HIPK2: variants seen among roughly 807,000 people sequenced by gnomAD.
HIPK2 encodes the protein homeodomain-interacting protein kinase 2.
Under a neutral mutation model 113.7 loss-of-function variants are expected in HIPK2, and 27 were observed. The ratio of observed to expected loss-of-function variants is 0.24; its 90% CI spans 0.17 to 0.33. HIPK2 has a LOEUF of 0.33. Ranked by LOEUF, HIPK2 falls within the 10% of genes least tolerant of loss-of-function variation. HIPK2 has a pLI of 1.00. For missense variants in HIPK2, 1,257 were observed against 1,588.0 expected, an observed-to-expected ratio of 0.79 and a Z score of 3.54; for synonymous variants, 631 against 642.2, an observed-to-expected ratio of 0.98 and a Z score of 0.26.
Position 139,631,421 on chromosome 7 carries a change from GAA to G in HIPK2, c.1228-139_1228-138del, listed in dbSNP as rs1264067650. The G allele has an allele frequency of 2.8e-6, 4 of 1,430,304 alleles. No homozygotes were observed. In the Admixed American group the frequency reaches 8.4e-5, roughly 30 times the overall value. The allele number at this position is 1,430,304 out of a possible 1,614,324, so 88.6% of individuals were successfully genotyped here. ...AGAAGTTAACAAAAAAGAGAAAAAA[GAA>G]AAAGGGAAAAGAGAAAGGAATAAAG... On this transcript the variant is annotated intron_variant, in intron 3 of 14. Transcript: ENST00000406875. The surrounding 1 kb of genome is among the most constrained non-coding windows in gnomAD (Gnocchi z 4.9).
chr7:139,694,682 A>G (rs906518824), intron 2 of HIPK2, among the ~76,000 whole-genome samples: 1 of 152,162 alleles, frequency 6.6e-6, no homozygotes, highest in Non-Finnish European at 1.5e-5. Flanking sequence ...TGGGGCACTC[A>G]GCTATGATAA....
intron 1 of HIPK2, among the ~76,000 whole-genome samples, chr7:139,738,102 T>A (rs139379999): frequency 9.2e-5 from 14 of 152,330 alleles, no homozygotes; most frequent in Middle Eastern, 3.4e-3. Context: ...TTATACATGT[T>A]CCCTGAGTAC....
At position 139,631,441 on chromosome 7, in the gene HIPK2, G is replaced by A; in HGVS notation, c.1228-157C>T. 1 of 937,694 alleles carries A rather than the reference G, an allele frequency of 1.1e-6. No individual in the cohort carries two copies. The highest frequency in any genetic ancestry group is 1.3e-6 in the Non-Finnish European group (1 of 786,714). The allele number at this position is 937,694 out of a possible 1,614,324, so 58.1% of individuals were successfully genotyped here. A position where few individuals can be genotyped will look rare whatever the true frequency, so the allele number is the denominator to read the frequency against. On this transcript the variant is annotated intron_variant, in intron 3 of 14. Transcript: ENST00000406875. The surrounding 1 kb of genome is among the most constrained non-coding windows in gnomAD (Gnocchi z 4.9). ...AAAAAGAAAAAGGGAAAAGAGAAAGGAATAAAGAAAAAATAGCAAGGTTAA... is the reference window on the plus strand; with the variant it reads ...AAAAAGAAAAAGGGAAAAGAGAAAGAAATAAAGAAAAAATAGCAAGGTTAA...
chr7:139,594,252 T>C (rs952015261), intron 12 of HIPK2, among the ~76,000 whole-genome samples: 1 of 152,208 alleles, frequency 6.6e-6, no homozygotes, highest in African/African-American at 2.4e-5. Flanking sequence ...GGACTGACAC[T>C]GTGTTTTGTG....
intron 2 of HIPK2, among the ~76,000 whole-genome samples, chr7:139,647,235 C>T (rs1390581238): frequency 6.6e-6 from 1 of 151,960 alleles, no homozygotes; most frequent in Non-Finnish European, 1.5e-5. Context: ...ACCCAGCGTA[C>T]AGCCTTGTCT....
At chr7:139,662,536 GCCATATA>G (rs1569467767) in intron 2 of HIPK2, among the ~76,000 whole-genome samples, 6 of 152,002 alleles carry the variant, frequency 3.9e-5, no homozygotes, top group Non-Finnish European at 8.8e-5. Flanking sequence ...TACCACTCGG[GCCATATA>G]CCAGGGGTGT....
intron 12 of HIPK2, among the ~76,000 whole-genome samples, chr7:139,593,037 C>T (rs1799079214): frequency 6.6e-6 from 1 of 152,212 alleles, no homozygotes; most frequent in Admixed American, 6.5e-5. Context: ...CTCTAGACTC[C>T]CTATGGCCCT....
At chr7:139,777,387 G>A (rs1280646960) in intron 1 of HIPK2, 1 of 162,112 alleles carries the variant, frequency 6.2e-6, no homozygotes, top group Non-Finnish European at 1.3e-5. Flanking sequence ...CTCCCCTCCT[G>A]CGCCCCCGGC....
At position 139,614,490 on chromosome 7, in the gene HIPK2, G is replaced by T; in HGVS notation, c.1786C>A (p.Pro596Thr). 7.2e-7 allele frequency: 1 copy of T among 1,380,398 alleles called. No homozygotes were observed. The highest frequency in any genetic ancestry group is 1.9e-5 in the South Asian group (1 of 51,546). The allele number at this position is 1,380,398 out of a possible 1,614,324, so 85.5% of individuals were successfully genotyped here. A position where few individuals can be genotyped will look rare whatever the true frequency, so the allele number is the denominator to read the frequency against. ...GAAATAGTGGCACTGGTAGAGGAGG[G>T]AGCCTAAAGGAGTGATGGGGATTAA... ...NQLTTVHNQAPSSTSATISLA... is the reference protein window; with the variant it reads ...NQLTTVHNQATSSTSATISLA... The change falls in exon 8 of 15, where the codon CCC becomes ACC. Residue 596 changes from proline (P) to threonine (T), a missense_variant. Physicochemically the swap from Pro to Thr is conservative, Grantham distance 38. Coordinates refer to ENST00000406875, the MANE Select transcript of HIPK2 (RefSeq NM_022740.5).
chr7:139,723,740 C>T (rs373707125), intron 1 of HIPK2, among the ~76,000 whole-genome samples: 7 of 152,266 alleles, frequency 4.6e-5, no homozygotes, highest in African/African-American at 1.7e-4. Flanking sequence ...AAATTGAATT[C>T]AATTTCACTG....
Position 139,596,814 on chromosome 7 carries a change from T to G in HIPK2, c.2620A>C (p.Thr874Pro). 6.2e-7 allele frequency: 1 copy of G among 1,613,976 alleles called. No individual in the cohort carries two copies. The highest frequency in any genetic ancestry group is 8.5e-7 in the Non-Finnish European group (1 of 1,179,882). Reference protein sequence around the residue: ...SSTTRERQRQTIVIPDTPSPT... With the variant: ...SSTTRERQRQPIVIPDTPSPT... ...CTGGGAGTGTCGGGAATGACAATTG[T>G]CTGCCGCTGCCGTTCCCGGGTGGTG... The change falls in exon 12 of 15, where the codon ACA becomes CCA. Residue 874 changes from threonine to proline, a missense_variant. Coordinates refer to ENST00000406875, the MANE Select transcript of HIPK2 (RefSeq NM_022740.5).
chr7:139,581,355 C>T (rs1585234416), intron 13 of HIPK2, among the ~76,000 whole-genome samples: 1 of 152,168 alleles, frequency 6.6e-6, no homozygotes, highest in Admixed American at 6.5e-5. Context: ...GGCATCTGGC[C>T]CCCAGGGCTC....
Position 139,613,217 on chromosome 7 carries a change from T to C in HIPK2, c.2097A>G (p.Pro699=), listed in dbSNP as rs781433435. 1.2e-6 allele frequency: 2 copies of C among 1,613,836 alleles called. No individual in the cohort carries two copies. Among genetic ancestry groups the C allele is most frequent in the South Asian group, 2.2e-5 (2 of 91,032 alleles). Residue 699 remains proline, a synonymous_variant, in exon 9 of 15, where the codon CCA becomes CCG. Transcript: ENST00000406875. This position sits in a 1 kb window ranked among gnomAD's most constrained non-coding sequence, Gnocchi z 4.2. ...APGAQPLQIQ[P]GLLAQQAWPS... ...AAAGAATTACCTGGGCAAGCAGACC[T>C]GGTTGGATCTGAAGAGGCTGAGCTC...
chr7:139,645,880 G>C (rs1801201562), intron 2 of HIPK2, among the ~76,000 whole-genome samples: 1 of 152,160 alleles, frequency 6.6e-6, no homozygotes, highest in South Asian at 2.1e-4. Flanking sequence ...GTGACTGGTT[G>C]GTTATTCCAG....
intron 1 of HIPK2, among the ~76,000 whole-genome samples, chr7:139,717,801 A>G (rs543974502): frequency 6.2e-4 from 94 of 152,122 alleles, no homozygotes; most frequent in Admixed American, 6.1e-3. Flanking sequence ...CTGGAGTGCA[A>G]TGGCATGATC....
chr7:139,663,713 T>C (rs1268466418), intron 2 of HIPK2, among the ~76,000 whole-genome samples: 2 of 152,174 alleles, frequency 1.3e-5, no homozygotes, highest in African/African-American at 2.4e-5. Context: ...AAACAAAATG[T>C]AAAAGTTAAA....
intron 1 of HIPK2, among the ~76,000 whole-genome samples, chr7:139,732,809 T>TTATA (rs201353799): frequency 3.7e-5 from 5 of 136,350 alleles, no homozygotes; most frequent in Admixed American, 1.5e-4. Context: ...ATATAACATA[T>TTATA]TATATATATA....
At chr7:139,760,889 T>G (rs1283577943) in intron 1 of HIPK2, among the ~76,000 whole-genome samples, 2 of 152,240 alleles carry the variant, frequency 1.3e-5, no homozygotes, top group African/African-American at 4.8e-5. Context: ...TTGGGGCATT[T>G]GTGCCATGAA....
At chr7:139,686,412 G>T (rs1180886186) in intron 2 of HIPK2, among the ~76,000 whole-genome samples, 1 of 152,194 alleles carries the variant, frequency 6.6e-6, no homozygotes, top group Non-Finnish European at 1.5e-5. Context: ...GATATGGTTT[G>T]GCTGTGTCCC....
Sources: gnomAD v4.1 joint callset for allele counts (sites outside exome capture counted in the v4.1 genomes callset) on GRCh38, gnomAD v4.1.1 for gene constraint, Gnocchi (gnomAD v3.1) non-coding constraint, MANE v1.5 for transcripts, NCBI Gene and HGNC (gene_info 2026-07-23, HGNC 2026-07-21) for gene names.